PRKG2: variants seen among roughly 807,000 people sequenced by gnomAD.
PRKG2 encodes cGMP-dependent protein kinase 2.
In PRKG2, 33 loss-of-function variants were observed where a neutral mutation model predicts 97.2. The ratio of observed to expected loss-of-function variants is 0.34; its 90% CI spans 0.26 to 0.45. The LOEUF (loss-of-function observed/expected upper bound fraction) is 0.45, where lower values mean the gene tolerates loss of function less well. Ranked by LOEUF, PRKG2 falls within the 20% of genes least tolerant of loss-of-function variation. PRKG2 has a pLI of 1.00. For missense variants in PRKG2, 638 were observed against 900.0 expected (o/e 0.71, Z 3.73); for synonymous variants, 330 against 321.8 (o/e 1.03, Z -0.27).
At chr4:81,107,500 G>C (rs1370352094) in intron 15 of PRKG2, among the ~76,000 whole-genome samples, 5 of 152,000 alleles carry the variant, frequency 3.3e-5, no homozygotes, top group African/African-American at 9.7e-5. Flanking sequence ...CAAGTGAAGA[G>C]AGTATTTATT....
At chr4:81,176,547 G>A (rs1750946161) in intron 2 of PRKG2, among the ~76,000 whole-genome samples, 2 of 152,130 alleles carry the variant, frequency 1.3e-5, no homozygotes, top group Non-Finnish European at 2.9e-5. Context: ...AGAAGCTCCA[G>A]CTTTCGCAGA....
At chr4:81,183,422 T>C (rs1256389353) in intron 2 of PRKG2, among the ~76,000 whole-genome samples, 1 of 151,964 alleles carries the variant, frequency 6.6e-6, no homozygotes, top group African/African-American at 2.4e-5. Flanking sequence ...AGGGAAGCCA[T>C]GAGGGACTGC....
At chr4:81,120,468 ATT>A (rs1427608059) in intron 14 of PRKG2, among the ~76,000 whole-genome samples, 7 of 151,870 alleles carry the variant, frequency 4.6e-5, no homozygotes, top group Non-Finnish European at 8.8e-5. Flanking sequence ...GTTTTTTTTC[ATT>A]TCTTTCATCA....
Position 81,152,028 on chromosome 4 carries a change from G to A in PRKG2, c.1017C>T (p.Gly339=), listed in dbSNP as rs781319380. 6 of 1,612,740 alleles carry A rather than the reference G, an allele frequency of 3.7e-6. No individual in the cohort carries two copies. Among genetic ancestry groups the A allele is most frequent in the Non-Finnish European group, 5.1e-6 (6 of 1,179,314 alleles). ...GKVKVTQSTE[G]HDQPQLIKTL... ...TTTTTATCAGCTGTGGTTGATCATG[G>A]CCTTCTGTGCTCTGTGTTACTTTTA... The change falls in exon 8 of 19, where the codon GGC becomes GGT. Residue 339 remains glycine (G), a synonymous_variant. Coordinates refer to ENST00000264399, the MANE Select transcript of PRKG2 (RefSeq NM_006259.3).
chr4:81,129,927 C>CG (rs1560563160), intron 14 of PRKG2, among the ~76,000 whole-genome samples: 1 of 152,060 alleles, frequency 6.6e-6, no homozygotes, highest in Non-Finnish European at 1.5e-5. Context: ...TTCATAGTGT[C>CG]GATGTTCTTT....
intron 13 of PRKG2, among the ~76,000 whole-genome samples, chr4:81,137,142 T>C (rs1746787798): frequency 6.6e-6 from 1 of 151,976 alleles, no homozygotes; most frequent in Admixed American, 6.6e-5. Context: ...ATACTAGTCA[T>C]GTAACCTGGG....
At chr4:81,094,803 T>C (rs375032973) in intron 17 of PRKG2, among the ~76,000 whole-genome samples, 40 of 151,792 alleles carry the variant, frequency 2.6e-4, no homozygotes, top group African/African-American at 8.0e-4. Flanking sequence ...AAAAAAATGA[T>C]GTCTGAGAAA....
At position 81,101,802 on chromosome 4, in the gene PRKG2, C is replaced by T. The variant is rs192811856; in HGVS notation, c.2126+2568G>A. Among the ~76,000 whole-genome samples, 295 of 150,730 alleles carry T rather than the reference C, an allele frequency of 2.0e-3. 1 individual carries two copies. Among genetic ancestry groups the T allele is most frequent in the African/African-American group, 6.8e-3 (280 of 41,156 alleles). On this transcript the variant is annotated intron_variant, in intron 17 of 18. Coordinates refer to ENST00000264399, the MANE Select transcript of PRKG2 (RefSeq NM_006259.3). Reference sequence around the variant, plus strand: ...GTTCTCTAAGAAAAAAAAAGTTTTACTTTAGAAGAGACTGAGAAAATCTGA... The same window carrying T: ...GTTCTCTAAGAAAAAAAAAGTTTTATTTTAGAAGAGACTGAGAAAATCTGA...
rs1279464633 is a variant in PRKG2, at chr4:81,088,465, A to G, written c.*1243T>C. The G allele has an allele frequency of 6.6e-6, 1 of 152,194 alleles. No homozygotes were observed. The highest frequency in any genetic ancestry group is 1.5e-5 in the Non-Finnish European group (1 of 68,022). The allele number at this position is 152,194 out of a possible 1,614,324, so 9.4% of individuals were successfully genotyped here. On this transcript the variant is annotated 3_prime_UTR_variant, in exon 19 of 19. Transcript: ENST00000264399. Reference sequence around the variant, plus strand: ...TTGGAAGGAGGGTAAGGGAATGATCATGGTCAATACATACAACCATTCACC... The same window carrying G: ...TTGGAAGGAGGGTAAGGGAATGATCGTGGTCAATACATACAACCATTCACC...
intron 14 of PRKG2, among the ~76,000 whole-genome samples, chr4:81,113,834 TCCA>T (rs981495237): frequency 6.6e-6 from 1 of 152,160 alleles, no homozygotes; most frequent in Non-Finnish European, 1.5e-5. Flanking sequence ...GTTTAACCTG[TCCA>T]CCAACAACCA....
At chr4:81,166,787 CTTAA>C (rs1750026465) in intron 6 of PRKG2, among the ~76,000 whole-genome samples, 1 of 152,072 alleles carries the variant, frequency 6.6e-6, no homozygotes, top group Admixed American at 6.6e-5. Flanking sequence ...TGCTCCATTT[CTTAA>C]TTATACATCA....
chr4:81,139,259 C>T (rs1473354258), intron 12 of PRKG2, among the ~76,000 whole-genome samples: 2 of 152,060 alleles, frequency 1.3e-5, no homozygotes, highest in African/African-American at 4.8e-5. Flanking sequence ...CCACATGTGC[C>T]CAAATGCTGC....
Position 81,175,073 on chromosome 4 carries a change from G to A in PRKG2, c.462-114C>T, listed in dbSNP as rs895441714. On this transcript the variant is annotated intron_variant, in intron 2 of 18. Coordinates refer to ENST00000264399, the MANE Select transcript of PRKG2 (RefSeq NM_006259.3). The stretch of plus-strand genomic sequence containing the variant: ...TTATCTACAAACTTATAACTTTCTA[G>A]CAAGAACAACCTTTTTCTAACCCCA... 10 of 1,043,504 alleles carry A rather than the reference G, an allele frequency of 9.6e-6. No individual in the cohort carries two copies. In the African/African-American group the frequency reaches 1.6e-4, roughly 17 times the overall value. 64.6% of individuals were successfully genotyped at this position (1,043,504 alleles called of 1,614,324 possible).
rs187886149 is a variant in PRKG2, at chr4:81,123,610, T to C, written c.1776+11545A>G. On this transcript the variant is annotated intron_variant, in intron 14 of 18. Transcript: ENST00000264399. ...TAGTAGAGATGGGGTTTCACCATGTTAGACAGGATGGTCTCGATCTCCTGA... is the reference window on the plus strand; with the variant it reads ...TAGTAGAGATGGGGTTTCACCATGTCAGACAGGATGGTCTCGATCTCCTGA... Among the ~76,000 whole-genome samples the C allele has an allele frequency of 5.6e-3, 850 of 152,286 alleles. 10 individuals carry two copies. Among genetic ancestry groups the C allele is most frequent in the Non-Finnish European group, 6.6e-3 (452 of 68,022 alleles).
chr4:81,153,008 C>T (rs1317644306), intron 7 of PRKG2, among the ~76,000 whole-genome samples: 1 of 152,136 alleles, frequency 6.6e-6, no homozygotes, highest in East Asian at 1.9e-4. Context: ...AAGAATTGGC[C>T]CTTCCCTTCA....
intron 6 of PRKG2, among the ~76,000 whole-genome samples, chr4:81,156,047 T>G (rs1336435140): frequency 6.6e-6 from 1 of 151,396 alleles, no homozygotes; most frequent in Non-Finnish European, 1.5e-5. Flanking sequence ...CCAGCTAACA[T>G]CATAATGACA....
intron 6 of PRKG2, among the ~76,000 whole-genome samples, chr4:81,155,034 C>T (rs1304772777): frequency 6.6e-6 from 1 of 151,462 alleles, no homozygotes; most frequent in Non-Finnish European, 1.5e-5. Flanking sequence ...AAAAATTAGC[C>T]GGGCGTAGTG....
intron 2 of PRKG2, among the ~76,000 whole-genome samples, chr4:81,179,501 G>A (rs929711823): frequency 3.3e-5 from 5 of 152,292 alleles, no homozygotes; most frequent in Non-Finnish European, 5.9e-5. Flanking sequence ...CAACAGACTT[G>A]TAACCGTGAA....
intron 17 of PRKG2, among the ~76,000 whole-genome samples, chr4:81,102,942 G>A (rs1742947656): frequency 6.6e-6 from 1 of 150,840 alleles, no homozygotes. Flanking sequence ...ATTTCTAAAA[G>A]TGAACATATC....
Sources: allele counts gnomAD v4.1 joint callset (sites outside exome capture counted in the v4.1 genomes callset), GRCh38; gene constraint gnomAD v4.1.1; transcripts MANE v1.5; gene names NCBI Gene and HGNC (gene_info 2026-07-23, HGNC 2026-07-21).